The following SLC24A2 variants were observed in gnomAD, a reference collection of about 807,000 sequenced individuals.
The protein encoded by SLC24A2 is sodium/potassium/calcium exchanger 2.
SLC24A2 carries 36 observed loss-of-function variants against 62.0 expected under a neutral mutation model. The observed-to-expected ratio is 0.58, with a 90% CI of 0.44 to 0.77. The LOEUF is 0.77. Among genes scored for constraint, SLC24A2 ranks in the 30% least tolerant of loss-of-function variants. SLC24A2 has a pLI of 0.00. For synonymous variants in SLC24A2, 358 were observed against 294.0 expected (o/e 1.22, Z -2.23); for missense variants, 846 against 817.9 (o/e 1.03, Z -0.42).
At chr9:19,975,532 T>C in the SLC24A2 span, among the ~76,000 whole-genome samples, 1 of 152,326 alleles carries the variant, frequency 6.6e-6, no homozygotes, top group East Asian at 1.9e-4. Context: ...TGCACTTCTA[T>C]TTCCTCATCT....
intron 2 of SLC24A2, among the ~76,000 whole-genome samples, chr9:19,751,823 G>A (rs1368200178): frequency 1.3e-5 from 2 of 152,150 alleles, no homozygotes; most frequent in African/African-American, 4.8e-5. Context: ...AAGGGTGGTG[G>A]AGCTGGCTCC....
At chr9:19,866,215 A>T in the SLC24A2 span, among the ~76,000 whole-genome samples, 6 of 152,220 alleles carry the variant, frequency 3.9e-5, no homozygotes, top group Non-Finnish European at 5.9e-5. Context: ...CCTGGCAAGG[A>T]TGTGGAGAAA....
At chr9:19,820,041 A>ATATATATATATATGTG in the SLC24A2 span, among the ~76,000 whole-genome samples, 5 of 20,652 alleles carry the variant, frequency 2.4e-4, no homozygotes, top group East Asian at 4.2e-3. Flanking sequence ...ATATATATAT[A>ATATATATATATATGTG]CATATATATA....
chr9:19,602,873 G>A (rs985036131), intron 4 of SLC24A2, among the ~76,000 whole-genome samples: 2 of 152,244 alleles, frequency 1.3e-5, no homozygotes, highest in Non-Finnish European at 2.9e-5. Context: ...CCAGTGTCTG[G>A]CAGGCACATG....
At chr9:19,553,080 T>TG (rs1239558496) in intron 7 of SLC24A2, among the ~76,000 whole-genome samples, 1 of 152,164 alleles carries the variant, frequency 6.6e-6, no homozygotes, top group East Asian at 1.9e-4. Context: ...CCTAGAATCC[T>TG]GGGGTGGATT....
the SLC24A2 span, among the ~76,000 whole-genome samples, chr9:19,922,803 C>T: frequency 6.6e-6 from 1 of 152,034 alleles, no homozygotes; most frequent in Non-Finnish European, 1.5e-5. Context: ...AAAAGAGGAG[C>T]TTGTACATGT....
chr9:19,761,892 T>C (rs894087109), intron 2 of SLC24A2, among the ~76,000 whole-genome samples: 1 of 152,210 alleles, frequency 6.6e-6, no homozygotes, highest in East Asian at 1.9e-4. Context: ...TGTTGGACAT[T>C]TGGGTTGGTT....
At chr9:20,263,861 G>GCC in the SLC24A2 span, among the ~76,000 whole-genome samples, 289 of 30,790 alleles carry the variant, frequency 9.4e-3, 1 homozygote, top group East Asian at 0.038. Context: ...TATCCCACCC[G>GCC]CCCCCCCCCC....
At chr9:20,005,796 C>G in the SLC24A2 span, among the ~76,000 whole-genome samples, 49 of 149,986 alleles carry the variant, frequency 3.3e-4, no homozygotes, top group Admixed American at 2.9e-3. Flanking sequence ...CTAAAGAGAG[C>G]ATGTAAATGG....
At chr9:19,993,571 T>A in the SLC24A2 span, among the ~76,000 whole-genome samples, 1 of 152,174 alleles carries the variant, frequency 6.6e-6, no homozygotes, top group Admixed American at 6.6e-5. Flanking sequence ...ACGGTTAACA[T>A]TTATAGAGTA....
the SLC24A2 span, among the ~76,000 whole-genome samples, chr9:19,938,182 A>T: frequency 6.6e-6 from 1 of 152,126 alleles, no homozygotes; most frequent in Non-Finnish European, 1.5e-5. Context: ...AAATCTTTTT[A>T]AAAGTCTGTA....
At chr9:20,135,001 T>G in the SLC24A2 span, among the ~76,000 whole-genome samples, 301 of 152,282 alleles carry the variant, frequency 2.0e-3, 2 homozygotes, top group Admixed American at 3.7e-3. Flanking sequence ...AAAGAAAATG[T>G]ATAGTGCTGG....
the SLC24A2 span, among the ~76,000 whole-genome samples, chr9:20,307,388 C>T: frequency 6.6e-6 from 1 of 152,158 alleles, no homozygotes. Context: ...ATTAGTATTC[C>T]CTAATGCTGC....
At chr9:20,161,757 T>TACACACACACACACACAC in the SLC24A2 span, among the ~76,000 whole-genome samples, 1 of 147,232 alleles carries the variant, frequency 6.8e-6, no homozygotes, top group African/African-American at 2.5e-5. Flanking sequence ...AACATGAAGA[T>TACACACACACACACACAC]ACACACACAC....
At chr9:20,272,325 C>G in the SLC24A2 span, among the ~76,000 whole-genome samples, 2 of 152,220 alleles carry the variant, frequency 1.3e-5, no homozygotes. Context: ...TTCCTACCAT[C>G]ATCCAGAGAG....
intron 7 of SLC24A2, among the ~76,000 whole-genome samples, chr9:19,553,196 A>G (rs933851004): frequency 1.4e-4 from 22 of 152,202 alleles, no homozygotes; most frequent in African/African-American, 5.3e-4. Context: ...CAAGCTGGTT[A>G]GAGAAGTGGA....
At chr9:19,908,871 T>C in the SLC24A2 span, among the ~76,000 whole-genome samples, 1 of 152,138 alleles carries the variant, frequency 6.6e-6, no homozygotes, top group South Asian at 2.1e-4. Context: ...GGAACACTTT[T>C]AAACTGTTGG....
the SLC24A2 span, among the ~76,000 whole-genome samples, chr9:20,187,099 C>T: frequency 6.6e-6 from 1 of 152,132 alleles, no homozygotes; most frequent in Non-Finnish European, 1.5e-5. Flanking sequence ...CAGAGCTGGT[C>T]CTATTCTCCC....
chr9:20,159,700 A>T, the SLC24A2 span, among the ~76,000 whole-genome samples: 1 of 151,620 alleles, frequency 6.6e-6, no homozygotes, highest in Admixed American at 6.6e-5. Flanking sequence ...TTCATTTAAT[A>T]TCAGCAGATC....
Sources: allele counts gnomAD v4.1 joint callset (sites outside exome capture counted in the v4.1 genomes callset), GRCh38; gene constraint gnomAD v4.1.1; transcripts MANE v1.5; gene names NCBI Gene and HGNC (gene_info 2026-07-23, HGNC 2026-07-21).